The following STK32B variants were observed in gnomAD, a reference collection of about 807,000 sequenced individuals.
STK32B encodes the protein serine/threonine kinase 32B.
Under a neutral mutation model 52.6 loss-of-function variants are expected in STK32B, and 43 were observed. The observed-to-expected ratio is 0.82, with a 90% CI of 0.64 to 1.05. The LOEUF (loss-of-function observed/expected upper bound fraction) is 1.05. Ranked by LOEUF, STK32B falls within the 50% of genes least tolerant of loss-of-function variation. STK32B has a pLI of 0.00. For synonymous variants in STK32B, 238 were observed against 204.3 expected, an observed-to-expected ratio of 1.17 and a Z score of -1.41; for missense variants, 621 against 534.6, an observed-to-expected ratio of 1.16 and a Z score of -1.59.
At chr4:5,098,532 AG>A (rs1713523410) in intron 1 of STK32B, among the ~76,000 whole-genome samples, 1 of 152,234 alleles carries the variant, frequency 6.6e-6, no homozygotes, top group South Asian at 2.1e-4. Context: ...CTGCATGCTT[AG>A]AGTGTACCAG....
chr4:5,425,023 G>A (rs1028536250), intron 6 of STK32B, among the ~76,000 whole-genome samples: 1 of 152,244 alleles, frequency 6.6e-6, no homozygotes, highest in Admixed American at 6.5e-5. Flanking sequence ...CTTGGAGGGA[G>A]CCGGCGCTCG....
At chr4:5,142,566 T>A (rs1716558725) in intron 2 of STK32B, among the ~76,000 whole-genome samples, 1 of 152,224 alleles carries the variant, frequency 6.6e-6, no homozygotes, top group Non-Finnish European at 1.5e-5. Context: ...TCAAGTGAAT[T>A]GGGTCACTGG....
Position 5,499,508 on chromosome 4 carries a change from T to C in STK32B, c.*425T>C. The C allele has an allele frequency of 6.3e-6, 1 of 159,050 alleles. No homozygotes were observed. Among genetic ancestry groups the C allele is most frequent in the Non-Finnish European group, 1.4e-5 (1 of 72,934 alleles). 9.9% of individuals were successfully genotyped at this position (159,050 alleles called of 1,614,324 possible). A position where few individuals can be genotyped will look rare whatever the true frequency, so the allele number is the denominator to read the frequency against. ...CTTTGCAATTTGGCACATCCTAGCT[T>C]GTTAGAGGGCACTTCCGAAAAACAC... On this transcript the variant is annotated 3_prime_UTR_variant, in exon 12 of 12. Coordinates refer to ENST00000282908, the MANE Select transcript of STK32B (RefSeq NM_018401.3).
chr4:5,343,909 C>T (rs1158677329), intron 4 of STK32B, among the ~76,000 whole-genome samples: 2 of 152,176 alleles, frequency 1.3e-5, no homozygotes, highest in African/African-American at 2.4e-5. Flanking sequence ...AAAAATTTCT[C>T]TTAAGTTTTG....
At chr4:5,332,362 C>A (rs1038530648) in intron 4 of STK32B, among the ~76,000 whole-genome samples, 6 of 152,100 alleles carry the variant, frequency 3.9e-5, no homozygotes, top group African/African-American at 1.4e-4. Context: ...GAGTCAATAA[C>A]TAATAGATGC....
chr4:5,269,393 C>A (rs1026254009), intron 3 of STK32B, among the ~76,000 whole-genome samples: 44 of 152,258 alleles, frequency 2.9e-4, no homozygotes, highest in Admixed American at 2.1e-3. Flanking sequence ...AAAAGCGAGA[C>A]TTACAAAGAT....
At chr4:5,323,842 T>G (rs1214538749) in intron 3 of STK32B, among the ~76,000 whole-genome samples, 2 of 152,094 alleles carry the variant, frequency 1.3e-5, no homozygotes, top group African/African-American at 4.8e-5. Flanking sequence ...AGAGCAATGG[T>G]GACTTGGCCA....
chr4:5,315,510 T>C (rs1245599640), intron 3 of STK32B, among the ~76,000 whole-genome samples: 1 of 151,996 alleles, frequency 6.6e-6, no homozygotes, highest in African/African-American at 2.4e-5. Flanking sequence ...TGTATGTATG[T>C]TTATCTGTTT....
intron 6 of STK32B, among the ~76,000 whole-genome samples, chr4:5,443,268 A>G (rs923691081): frequency 1.4e-5 from 2 of 146,844 alleles, no homozygotes; most frequent in African/African-American, 5.0e-5. Context: ...TGGTCTTTTC[A>G]CATAGTCCCA....
At position 5,460,123 on chromosome 4, in the gene STK32B, G is replaced by T; in HGVS notation, c.804G>T (p.Glu268Asp). 6.2e-7 allele frequency: 1 copy of T among 1,614,198 alleles called. No homozygotes were observed. Among genetic ancestry groups the T allele is most frequent in the Non-Finnish European group, 8.5e-7 (1 of 1,180,034 alleles). ...LLRKLLTKDP[E>D]SRVSSLHDIQ... is the part of the protein sequence containing the mutation. Reference sequence around the variant, plus strand: ...TGCAGCTCCTGACCAAGGATCCTGAGAGCCGCGTGTCCAGCCTTCATGACA... The same window carrying T: ...TGCAGCTCCTGACCAAGGATCCTGATAGCCGCGTGTCCAGCCTTCATGACA... The change falls in exon 9 of 12, where the codon GAG becomes GAT. Residue 268 changes from glutamate to aspartate, a missense_variant. By Grantham distance (45) the Glu-to-Asp change is conservative. Coordinates refer to ENST00000282908, the MANE Select transcript of STK32B (RefSeq NM_018401.3). The surrounding 1 kb of genome is among the most constrained non-coding windows in gnomAD (Gnocchi z 4.8).
Position 5,460,275 on chromosome 4 carries a change from C to T in STK32B, c.909+47C>T. 6.4e-7 allele frequency: 1 copy of T among 1,570,500 alleles called. No homozygotes were observed. Among genetic ancestry groups the T allele is most frequent in the Non-Finnish European group, 8.6e-7 (1 of 1,158,612 alleles). On this transcript the variant is annotated intron_variant, in intron 9 of 11. Coordinates refer to ENST00000282908, the MANE Select transcript of STK32B (RefSeq NM_018401.3). The surrounding 1 kb of genome is among the most constrained non-coding windows in gnomAD (Gnocchi z 4.8). ...TGTCATGCCACCCCTCTGCAGGGTC[C>T]CCGCCTTGGTGCAAAGCAAGACTTT...
intron 3 of STK32B, among the ~76,000 whole-genome samples, chr4:5,284,910 G>A (rs1418417375): frequency 6.6e-6 from 1 of 152,040 alleles, no homozygotes; most frequent in African/African-American, 2.4e-5. Flanking sequence ...TGCTAGAAAC[G>A]CTCCCAAGAA....
Position 5,051,948 on chromosome 4 carries a change from G to A in STK32B, c.52+33G>A, listed in dbSNP as rs773907082. 7 of 1,562,720 alleles carry A rather than the reference G, an allele frequency of 4.5e-6. No homozygotes were observed. In the Admixed American group the frequency reaches 1.1e-4, roughly 25 times the overall value. ...AGCGAGAGGTGCGAATTCCCGCTTC[G>A]CGGGGCATCCCCTTCCTCCACCACC... On this transcript the variant is annotated intron_variant, in intron 1 of 11. Transcript: ENST00000282908.
chr4:5,244,241 C>A (rs1725267978), intron 3 of STK32B, among the ~76,000 whole-genome samples: 1 of 152,086 alleles, frequency 6.6e-6, no homozygotes, highest in Non-Finnish European at 1.5e-5. Flanking sequence ...CTATTATTGC[C>A]ACAATTTCAG....
chr4:5,039,964 T>G, the STK32B span, among the ~76,000 whole-genome samples: 1 of 152,214 alleles, frequency 6.6e-6, no homozygotes, highest in Non-Finnish European at 1.5e-5. Flanking sequence ...GCCATTCTGC[T>G]ACATGAGGAC....
intron 3 of STK32B, among the ~76,000 whole-genome samples, chr4:5,178,183 T>C (rs1720075328): frequency 6.6e-6 from 1 of 152,240 alleles, no homozygotes; most frequent in African/African-American, 2.4e-5. Context: ...CTCTGAAATC[T>C]AGGCAGAGGT....
intron 3 of STK32B, among the ~76,000 whole-genome samples, chr4:5,191,910 G>T (rs77203972): frequency 0.025 from 3,809 of 152,264 alleles, 142 homozygotes; most frequent in African/African-American, 0.086. Context: ...TGACCGGCAC[G>T]GGCTGAGGGA....
chr4:5,286,488 C>T (rs1051889722), intron 3 of STK32B, among the ~76,000 whole-genome samples: 7 of 152,152 alleles, frequency 4.6e-5, no homozygotes, highest in African/African-American at 1.7e-4. Context: ...CCAGGACAAA[C>T]ACTGTAGTGA....
chr4:5,407,438 TC>T (rs566302816), intron 5 of STK32B, among the ~76,000 whole-genome samples: 10 of 152,144 alleles, frequency 6.6e-5, no homozygotes, highest in Middle Eastern at 3.2e-3. Flanking sequence ...TATAGCAGTG[TC>T]CCACTACTGG....
Sources: allele counts gnomAD v4.1 joint callset (sites outside exome capture counted in the v4.1 genomes callset), GRCh38; gene constraint gnomAD v4.1.1; non-coding constraint Gnocchi (gnomAD v3.1); transcripts MANE v1.5; gene names NCBI Gene and HGNC (gene_info 2026-07-23, HGNC 2026-07-21).